The following AFF3 variants were observed in gnomAD, a reference collection of about 807,000 sequenced individuals.
The protein encoded by AFF3 is ALF transcription elongation factor 3.
A neutral mutation model predicts 129.7 loss-of-function variants in AFF3; 32 were observed. The observed-to-expected ratio is 0.25, with a 90% CI of 0.19 to 0.33. AFF3 has a LOEUF of 0.33. Ranked by LOEUF, AFF3 falls within the 10% of genes least tolerant of loss-of-function variation. AFF3 has a pLI of 1.00. For synonymous variants in AFF3, 644 were observed against 635.4 expected, an observed-to-expected ratio of 1.01 and a Z score of -0.20; for missense variants, 1,373 against 1,592.0, an observed-to-expected ratio of 0.86 and a Z score of 2.34.
chr2:99,858,790 A>C (rs1245369938), intron 7 of AFF3, among the ~76,000 whole-genome samples: 1 of 152,228 alleles, frequency 6.6e-6, no homozygotes, highest in Non-Finnish European at 1.5e-5. Flanking sequence ...AGGAAAAATA[A>C]CTAAAGGGTA....
intron 7 of AFF3, among the ~76,000 whole-genome samples, chr2:99,947,653 T>TAGACAGACAGACAGAC (rs869305084): frequency 8.1e-6 from 1 of 123,192 alleles, no homozygotes; most frequent in Non-Finnish European, 1.8e-5. Flanking sequence ...GATAGATAGA[T>TAGACAGACAGACAGAC]AGACAGACAG....
chr2:99,840,138 A>G lies in AFF3; in HGVS notation c.874-2614T>C, dbSNP rs530495684. On this transcript the variant is annotated intron_variant, in intron 7 of 24. Transcript: ENST00000672756. Reference sequence around the variant, plus strand: ...TGGGTTGTTTTTTCACGCTCTTGGTAGTGTTCATGGATGCACAAAACTTTA... The same window carrying G: ...TGGGTTGTTTTTTCACGCTCTTGGTGGTGTTCATGGATGCACAAAACTTTA... Among the ~76,000 whole-genome samples, 13 of 152,150 alleles carry G rather than the reference A, an allele frequency of 8.5e-5. No homozygotes were observed. The South Asian group carries it at 2.5e-3, about 29-fold the overall frequency.
intron 2 of AFF3, among the ~76,000 whole-genome samples, chr2:100,112,930 C>T (rs771140731): frequency 6.6e-6 from 1 of 152,224 alleles, no homozygotes; most frequent in Admixed American, 6.5e-5. Context: ...TTGGCACAGA[C>T]AGTTACAATT....
chr2:99,816,244 C>T (rs975876089), intron 8 of AFF3, among the ~76,000 whole-genome samples: 1 of 152,112 alleles, frequency 6.6e-6, no homozygotes, highest in African/African-American at 2.4e-5. Context: ...CCTATATAAT[C>T]TTGCATGCTG....
At chr2:99,835,355 C>A (rs572799163) in intron 8 of AFF3, among the ~76,000 whole-genome samples, 5 of 152,148 alleles carry the variant, frequency 3.3e-5, no homozygotes, top group Non-Finnish European at 7.3e-5. Flanking sequence ...TCCTTGGAGC[C>A]ACAATCTTGG....
At chr2:99,557,353 C>T (rs1266688724) in intron 22 of AFF3, among the ~76,000 whole-genome samples, 1 of 149,958 alleles carries the variant, frequency 6.7e-6, no homozygotes, top group Non-Finnish European at 1.5e-5. Context: ...CATCTCTGCT[C>T]ACTGCAACCT....
At chr2:99,979,037 G>T (rs1188100193) in intron 7 of AFF3, among the ~76,000 whole-genome samples, 1 of 152,140 alleles carries the variant, frequency 6.6e-6, no homozygotes, top group African/African-American at 2.4e-5. Context: ...AGAGATCAAC[G>T]CAATGATCTC....
intron 14 of AFF3, among the ~76,000 whole-genome samples, chr2:99,598,155 T>C (rs1679469963): frequency 6.6e-6 from 1 of 152,166 alleles, no homozygotes; most frequent in African/African-American, 2.4e-5. Flanking sequence ...AAGGGTTGCG[T>C]GATGATTCGA....
intron 4 of AFF3, among the ~76,000 whole-genome samples, chr2:100,065,400 A>G (rs1328835222): frequency 6.6e-6 from 1 of 152,220 alleles, no homozygotes; most frequent in East Asian, 1.9e-4. Context: ...CTTCTTACGC[A>G]TGCATTTAAA....
In AFF3 at chr2:100,011,482, T is replaced by G. The variant is rs1035067973; in HGVS notation, c.54-2550A>C. The G allele has an allele frequency of 3.8e-6, 3 of 780,854 alleles. No individual in the cohort carries two copies. In the South Asian group the frequency reaches 4.0e-5, roughly 10 times the overall value. 48.4% of individuals were successfully genotyped at this position (780,854 alleles called of 1,614,324 possible). A position where few individuals can be genotyped will look rare whatever the true frequency, so the allele number is the denominator to read the frequency against. ...TTCTGGGCTTCTCAGAAGGCCCCCA[T>G]GCCCAAAATAATACCTCCTGCATCT... On this transcript the variant is annotated intron_variant, in intron 4 of 24. Transcript: ENST00000672756.
chr2:99,928,551 G>C (rs1696441923), intron 7 of AFF3, among the ~76,000 whole-genome samples: 1 of 152,210 alleles, frequency 6.6e-6, no homozygotes, highest in African/African-American at 2.4e-5. Context: ...GTCAGATGGA[G>C]CTTGAAAGCT....
At chr2:99,575,770 A>G (rs1676934463) in intron 18 of AFF3, among the ~76,000 whole-genome samples, 1 of 152,184 alleles carries the variant, frequency 6.6e-6, no homozygotes, top group Non-Finnish European at 1.5e-5. Context: ...AAAAGGAGAA[A>G]CAGTTTCATT....
At chr2:99,623,200 A>C (rs1306728932) in intron 13 of AFF3, among the ~76,000 whole-genome samples, 2 of 149,404 alleles carry the variant, frequency 1.3e-5, no homozygotes, top group African/African-American at 4.9e-5. Context: ...TCCTGATGCC[A>C]AATAAGGGCA....
At chr2:99,643,574 TGGCCA>T (rs1317520023) in intron 13 of AFF3, among the ~76,000 whole-genome samples, 1 of 152,194 alleles carries the variant, frequency 6.6e-6, no homozygotes, top group Non-Finnish European at 1.5e-5. Context: ...TCCTCTCACA[TGGCCA>T]GGGGACTGGG....
At chr2:100,025,482 A>G (rs1683962415) in intron 4 of AFF3, among the ~76,000 whole-genome samples, 1 of 152,184 alleles carries the variant, frequency 6.6e-6, no homozygotes, top group African/African-American at 2.4e-5. Context: ...GCCAAAAGCA[A>G]TTTACAAATT....
intron 1 of AFF3, among the ~76,000 whole-genome samples, chr2:100,138,944 C>A (rs374291943): frequency 1.3e-3 from 159 of 120,234 alleles, no homozygotes; most frequent in South Asian, 1.5e-3. Context: ...GACTCTGTCT[C>A]AAAAAAAAAA....
At chr2:100,001,950 T>A (rs1228344150) in intron 7 of AFF3, among the ~76,000 whole-genome samples, 2 of 152,190 alleles carry the variant, frequency 1.3e-5, no homozygotes, top group Non-Finnish European at 2.9e-5. Flanking sequence ...AAGCTGCCCA[T>A]CGAGCAGACA....
intron 21 of AFF3, 124 bp downstream of exon 21, chr2:99,560,241 A>T: frequency 9.9e-7 from 1 of 1,012,348 alleles, no homozygotes; most frequent in Non-Finnish European, 1.5e-6. Flanking sequence ...CCTGGTCATT[A>T]GAACTGCTCT....
rs1489744323 is a variant in AFF3, at chr2:100,100,021, TATTGA to T, written c.53+4376_53+4380del. Among the ~76,000 whole-genome samples, 9 of 127,998 alleles carry T rather than the reference TATTGA, an allele frequency of 7.0e-5. No homozygotes were observed. The Middle Eastern group carries it at 0.01, about 148-fold the overall frequency. The allele number at this position is 127,998 out of a possible 152,430, so 84.0% of individuals were successfully genotyped here. ...CTCTGTCTAATATTCTGTGAATGCT[TATTGA>T]ATTGAACAGGTTGATGAGTATGAAA... On this transcript the variant is annotated intron_variant, in intron 4 of 24. Transcript: ENST00000672756.
Sources: allele counts gnomAD v4.1 joint callset (sites outside exome capture counted in the v4.1 genomes callset), GRCh38; gene constraint gnomAD v4.1.1; transcripts MANE v1.5; gene names NCBI Gene and HGNC (gene_info 2026-07-23, HGNC 2026-07-21).